Variants in GALNTL6 observed in about 807,000 individuals in gnomAD.
GALNTL6 encodes polypeptide N-acetylgalactosaminyltransferase like 6.
GALNTL6 carries 46 observed loss-of-function variants against 73.7 expected under a neutral mutation model. The ratio of observed to expected loss-of-function variants is 0.62; its 90% CI spans 0.49 to 0.80. The LOEUF (loss-of-function observed/expected upper bound fraction) is 0.80, where lower values mean the gene tolerates loss of function less well. Ranked by LOEUF, GALNTL6 falls within the 30% of genes least tolerant of loss-of-function variation. GALNTL6 has a pLI of 0.00. For missense variants in GALNTL6, 604 were observed against 755.0 expected (o/e 0.80, Z 2.34); for synonymous variants, 259 against 263.7 (o/e 0.98, Z 0.17).
intron 5 of GALNTL6, among the ~76,000 whole-genome samples, chr4:172,756,451 C>T (rs377709126): frequency 6.6e-6 from 1 of 151,984 alleles, no homozygotes; most frequent in African/African-American, 2.4e-5. Flanking sequence ...TGAGACCAGC[C>T]TGACCATTAT....
At chr4:172,797,435 G>A (rs1396498334) in intron 5 of GALNTL6, among the ~76,000 whole-genome samples, 2 of 152,068 alleles carry the variant, frequency 1.3e-5, no homozygotes, top group East Asian at 3.9e-4. Flanking sequence ...AGTAGAGACA[G>A]GGTTTCACTG....
chr4:172,525,719 C>T (rs911043394), intron 5 of GALNTL6, among the ~76,000 whole-genome samples: 2 of 151,928 alleles, frequency 1.3e-5, no homozygotes, highest in Non-Finnish European at 2.9e-5. Flanking sequence ...AAAATTAGGC[C>T]GGGTGTGCTG....
chr4:172,911,454 C>T (rs182731634), intron 8 of GALNTL6, among the ~76,000 whole-genome samples: 1 of 152,346 alleles, frequency 6.6e-6, no homozygotes, highest in Admixed American at 6.5e-5. Context: ...CATTTCATAT[C>T]TAAAATGTGA....
chr4:171,978,662 A>G (rs1269040760), intron 2 of GALNTL6, among the ~76,000 whole-genome samples: 1 of 151,788 alleles, frequency 6.6e-6, no homozygotes, highest in Non-Finnish European at 1.5e-5. Context: ...AATTATTCCA[A>G]GCTAGGAAAA....
rs1553975288 is a variant in GALNTL6 at position 172,705,220 on chromosome 4, T to TTTTG, written c.554-104137_554-104134dup. Among the ~76,000 whole-genome samples the TTTTG allele has an allele frequency of 1.9e-4, 28 of 150,904 alleles. 1 individual carries two copies. Among genetic ancestry groups the TTTTG allele is most frequent in the African/African-American group, 6.9e-4 (28 of 40,746 alleles). On this transcript the variant is annotated intron_variant, in intron 5 of 12. Coordinates refer to ENST00000506823, the MANE Select transcript of GALNTL6 (RefSeq NM_001034845.3). ...TAAGGACTTACTACTGCTATTTTTT[T>TTTTG]TTTGTTTTATGGTTGTTTTGTAGCT...
chr4:172,214,210 T>C (rs1330039234), intron 2 of GALNTL6, among the ~76,000 whole-genome samples: 1 of 152,204 alleles, frequency 6.6e-6, no homozygotes. Context: ...ATATTATAAG[T>C]CTGGAAATTG....
In GALNTL6 at chr4:172,415,798, C is replaced by G. The variant is rs1219399564; in HGVS notation, c.553+67109C>G. Among the ~76,000 whole-genome samples, 3 of 151,984 alleles carry G rather than the reference C, an allele frequency of 2.0e-5. 1 individual carries two copies. Among genetic ancestry groups the G allele is most frequent in the African/African-American group, 7.3e-5 (3 of 41,378 alleles). On this transcript the variant is annotated intron_variant, in intron 5 of 12. Transcript: ENST00000506823. ...GATTGAGCAAGCAGTGGGTACGTGACCGGGGGCTGCCTGCACCAGTAATCA... is the reference window on the plus strand; with the variant it reads ...GATTGAGCAAGCAGTGGGTACGTGAGCGGGGGCTGCCTGCACCAGTAATCA...
chr4:171,992,038 A>G (rs1382246021), intron 2 of GALNTL6, among the ~76,000 whole-genome samples: 1 of 151,922 alleles, frequency 6.6e-6, no homozygotes, highest in East Asian at 1.9e-4. Context: ...ACGAATTACA[A>G]TGTTTTCCTT....
intron 7 of GALNTL6, among the ~76,000 whole-genome samples, chr4:172,871,159 A>G (rs1744910171): frequency 6.6e-6 from 1 of 152,192 alleles, no homozygotes; most frequent in African/African-American, 2.4e-5. Context: ...GTCCCAAGCC[A>G]TGCCAAGGGC....
At chr4:172,939,097 C>A (rs1478999536) in intron 9 of GALNTL6, among the ~76,000 whole-genome samples, 1 of 152,068 alleles carries the variant, frequency 6.6e-6, no homozygotes, top group Non-Finnish European at 1.5e-5. Flanking sequence ...TGAGAACAGG[C>A]TGGGCAACAT....
chr4:172,429,535 T>G (rs1048598711), intron 5 of GALNTL6, among the ~76,000 whole-genome samples: 1 of 152,130 alleles, frequency 6.6e-6, no homozygotes, highest in Non-Finnish European at 1.5e-5. Context: ...TTTTAATGCA[T>G]GGATTTTGGA....
rs1201659611 is a variant in GALNTL6, at chr4:172,476,239, A to G, written c.553+127550A>G. 2.6e-5 allele frequency among the ~76,000 whole-genome samples: 4 copies of G among 152,224 alleles called. No individual in the cohort carries two copies. In the East Asian group the frequency reaches 7.7e-4, roughly 29 times the overall value. ...TCAAGACACTTCCTCGTTCATAGAA[A>G]TGGCACCCTCTCGCTGTGTTCTAAC... On this transcript the variant is annotated intron_variant, in intron 5 of 12. Coordinates refer to ENST00000506823, the MANE Select transcript of GALNTL6 (RefSeq NM_001034845.3).
intron 5 of GALNTL6, among the ~76,000 whole-genome samples, chr4:172,354,159 G>C (rs928253299): frequency 1.3e-5 from 2 of 151,982 alleles, no homozygotes; most frequent in East Asian, 3.9e-4. Flanking sequence ...TATTCCATCA[G>C]GTACTTCACT....
At chr4:171,950,342 C>A (rs1037812018) in intron 2 of GALNTL6, among the ~76,000 whole-genome samples, 1 of 151,868 alleles carries the variant, frequency 6.6e-6, no homozygotes, top group Non-Finnish European at 1.5e-5. Context: ...GAAGAGAGAG[C>A]AAAAAATTAG....
chr4:172,537,131 G>T (rs1034637186), intron 5 of GALNTL6, among the ~76,000 whole-genome samples: 2 of 152,156 alleles, frequency 1.3e-5, no homozygotes, highest in African/African-American at 4.8e-5. Flanking sequence ...ATGAGAGTTT[G>T]TATTTGGACT....
At chr4:172,689,553 T>C (rs1468111440) in intron 5 of GALNTL6, among the ~76,000 whole-genome samples, 1 of 152,214 alleles carries the variant, frequency 6.6e-6, no homozygotes, top group African/African-American at 2.4e-5. Flanking sequence ...TTCACATATC[T>C]TATCATGACT....
chr4:172,849,721 TA>T (rs1743712472), intron 7 of GALNTL6, among the ~76,000 whole-genome samples: 1 of 152,184 alleles, frequency 6.6e-6, no homozygotes, highest in African/African-American at 2.4e-5. Context: ...AATAAAACAA[TA>T]ATTTATCTTG....
At chr4:172,487,389 T>C (rs1733734271) in intron 5 of GALNTL6, among the ~76,000 whole-genome samples, 2 of 150,464 alleles carry the variant, frequency 1.3e-5, no homozygotes, top group African/African-American at 2.5e-5. Flanking sequence ...TCTTTTCTTT[T>C]CTTTTCTTTC....
chr4:172,793,661 A>T (rs1560956697), intron 5 of GALNTL6, among the ~76,000 whole-genome samples: 1 of 152,220 alleles, frequency 6.6e-6, no homozygotes, highest in Non-Finnish European at 1.5e-5. Context: ...CTGGACTATC[A>T]GTAGAGGAGA....
Sources: allele counts gnomAD v4.1 joint callset (sites outside exome capture counted in the v4.1 genomes callset), GRCh38; gene constraint gnomAD v4.1.1; transcripts MANE v1.5; gene names NCBI Gene and HGNC (gene_info 2026-07-23, HGNC 2026-07-21).